GTF2A2: variants seen among roughly 807,000 people sequenced by gnomAD.
GTF2A2 encodes general transcription factor IIA subunit 2.
GTF2A2 carries 9 observed loss-of-function variants against 14.3 expected under a neutral mutation model. The ratio of observed to expected loss-of-function variants is 0.63; its 90% CI spans 0.38 to 1.10. The LOEUF (loss-of-function observed/expected upper bound fraction) is 1.10. Among genes scored for constraint, GTF2A2 ranks in the 50% least tolerant of loss-of-function variants. GTF2A2 has a pLI of 0.01. For synonymous variants in GTF2A2, 56 were observed against 46.0 expected (o/e 1.22, Z -0.88); for missense variants, 90 against 124.6 (o/e 0.72, Z 1.32).
chr15:59,649,656 A>C (rs1327663788), intron 3 of GTF2A2, among the ~76,000 whole-genome samples: 1 of 152,224 alleles, frequency 6.6e-6, no homozygotes, highest in East Asian at 1.9e-4. Context: ...ATTTTTTGGC[A>C]CATGAAACTG....
intron 2 of GTF2A2, 66 bp downstream of exon 2, chr15:59,652,140 G>C: frequency 1.1e-6 from 1 of 892,358 alleles, no homozygotes; most frequent in Non-Finnish European, 1.8e-6. Context: ...TTGCCTAAGT[G>C]ATATGACAAG....
Position 59,638,801 on chromosome 15 carries a change from G to T in GTF2A2, c.*331C>A, listed in dbSNP as rs1459833755. ...AAAGGGCATCATGTTCCTTGCAAAG[G>T]AAATGGGAAAATGCATTATCTAATA... On this transcript the variant is annotated 3_prime_UTR_variant, in exon 5 of 5. Transcript: ENST00000396060. 2 of 200,740 alleles carry T rather than the reference G, an allele frequency of 1.0e-5. No individual in the cohort carries two copies. Among genetic ancestry groups the T allele is most frequent in the African/African-American group, 4.7e-5 (2 of 42,434 alleles). The allele number at this position is 200,740 out of a possible 1,614,324, so 12.4% of individuals were successfully genotyped here.
chr15:59,639,214 C>A lies in GTF2A2; in HGVS notation c.305-57G>T, dbSNP rs1262739370. 2.8e-6 allele frequency: 3 copies of A among 1,054,500 alleles called. No homozygotes were observed. The South Asian group carries it at 3.8e-5, about 13-fold the overall frequency. 65.3% of individuals were successfully genotyped at this position (1,054,500 alleles called of 1,614,324 possible). A position where few individuals can be genotyped will look rare whatever the true frequency, so the allele number is the denominator to read the frequency against. ...AAATTCAAGGAGCAATTTAATTTTA[C>A]AATTAACTATTTTAAGACTATCAAA... On this transcript the variant is annotated intron_variant, in intron 4 of 4. Transcript: ENST00000396060.
chr15:59,646,982 TTATATA>T (rs1224674566), intron 3 of GTF2A2, among the ~76,000 whole-genome samples: 15 of 150,598 alleles, frequency 1.0e-4, no homozygotes, highest in African/African-American at 3.2e-4. Context: ...AAAACGATGT[TTATATA>T]TATGTATATA....
At chr15:59,648,693 G>C (rs978574083) in intron 3 of GTF2A2, among the ~76,000 whole-genome samples, 6 of 152,072 alleles carry the variant, frequency 3.9e-5, no homozygotes, top group Non-Finnish European at 5.9e-5. Context: ...CCAGCACTTT[G>C]GGAGGTCGAG....
chr15:59,655,399 T>C (rs1342030364), intron 1 of GTF2A2, among the ~76,000 whole-genome samples: 1 of 152,244 alleles, frequency 6.6e-6, no homozygotes, highest in Admixed American at 6.5e-5. Flanking sequence ...GTGAAGGTCA[T>C]CAATGGCAAT....
At chr15:59,648,323 G>A (rs1381796893) in intron 3 of GTF2A2, among the ~76,000 whole-genome samples, 2 of 145,646 alleles carry the variant, frequency 1.4e-5, no homozygotes, top group Non-Finnish European at 1.5e-5. Context: ...CAGAAGAATC[G>A]CTTGAACCCA....
At chr15:59,643,464 G>A (rs977336423) in intron 3 of GTF2A2, among the ~76,000 whole-genome samples, 2 of 151,448 alleles carry the variant, frequency 1.3e-5, no homozygotes, top group African/African-American at 4.8e-5. Flanking sequence ...CAATCCTCCC[G>A]CCTCAGCCTC....
At chr15:59,652,928 C>T (rs1891837229) in intron 1 of GTF2A2, 1 of 152,158 alleles carries the variant, frequency 6.6e-6, no homozygotes, top group Non-Finnish European at 1.5e-5. Flanking sequence ...CTTCCAGGTT[C>T]TTTAAGCTAG....
intron 3 of GTF2A2, among the ~76,000 whole-genome samples, chr15:59,646,870 C>T (rs973052848): frequency 3.3e-5 from 5 of 151,860 alleles, no homozygotes; most frequent in Non-Finnish European, 5.9e-5. Flanking sequence ...GAATCTCTAA[C>T]ATGAAATAAG....
intron 1 of GTF2A2, among the ~76,000 whole-genome samples, chr15:59,654,739 G>A (rs1891893335): frequency 6.6e-6 from 1 of 152,182 alleles, no homozygotes; most frequent in Admixed American, 6.5e-5. Context: ...TGAGGAAACT[G>A]CAGCAATAAC....
intron 3 of GTF2A2, 82 bp from the exon 4 acceptor site, chr15:59,642,344 C>A (rs897053039): frequency 4.1e-6 from 5 of 1,208,158 alleles, no homozygotes; most frequent in Non-Finnish European, 5.7e-6. Flanking sequence ...GAGATCTTAG[C>A]TACCAAGAAC....
At chr15:59,647,181 C>A (rs555270747) in intron 3 of GTF2A2, among the ~76,000 whole-genome samples, 8 of 152,302 alleles carry the variant, frequency 5.3e-5, no homozygotes, top group African/African-American at 1.9e-4. Context: ...CAGCCACAAC[C>A]TCCTGGGCTC....
chr15:59,649,929 C>A (rs1004690098), intron 3 of GTF2A2, among the ~76,000 whole-genome samples: 1 of 152,084 alleles, frequency 6.6e-6, no homozygotes, highest in Non-Finnish European at 1.5e-5. Flanking sequence ...ATATTTTAAC[C>A]TTCTTTTGAC....
chr15:59,650,801 C>T (rs763355565), intron 2 of GTF2A2, 28 bp from the exon 3 acceptor site: 135 of 1,162,052 alleles, frequency 1.2e-4, no homozygotes, highest in Admixed American at 2.6e-4. Context: ...TCATAAATCC[C>T]GTTAAGGAAG....
At chr15:59,655,283 G>C (rs1252214264) in intron 1 of GTF2A2, among the ~76,000 whole-genome samples, 1 of 152,152 alleles carries the variant, frequency 6.6e-6, no homozygotes, top group Non-Finnish European at 1.5e-5. Flanking sequence ...GTTCCCCTTT[G>C]CAGCAAAATC....
At chr15:59,649,339 C>A (rs1211669533) in intron 3 of GTF2A2, among the ~76,000 whole-genome samples, 1 of 152,190 alleles carries the variant, frequency 6.6e-6, no homozygotes, top group African/African-American at 2.4e-5. Context: ...TCACAAAACA[C>A]TATGCAAGAT....
At chr15:59,639,223 A>C in intron 4 of GTF2A2, 66 bp from the exon 5 acceptor site, 1 of 966,502 alleles carries the variant, frequency 1.0e-6, no homozygotes, top group South Asian at 1.3e-5. Context: ...ACAATTAACT[A>C]TTTTAAGACT....
At chr15:59,642,949 CAG>C (rs1891480195) in intron 3 of GTF2A2, among the ~76,000 whole-genome samples, 1 of 150,914 alleles carries the variant, frequency 6.6e-6, no homozygotes, top group South Asian at 2.1e-4. Context: ...TTATTTTTAG[CAG>C]AGATGGTGTT....
Sources: allele counts gnomAD v4.1 joint callset (sites outside exome capture counted in the v4.1 genomes callset), GRCh38; gene constraint gnomAD v4.1.1; transcripts MANE v1.5; gene names NCBI Gene and HGNC (gene_info 2026-07-23, HGNC 2026-07-21).